DYNC2I2: variants seen among roughly 807,000 people sequenced by gnomAD.
DYNC2I2 encodes the protein dynein 2 intermediate chain 2.
A neutral mutation model predicts 52.0 loss-of-function variants in DYNC2I2; 39 were observed. The ratio of observed to expected loss-of-function variants is 0.75; its 90% CI spans 0.58 to 0.98. DYNC2I2 has a LOEUF of 0.98. DYNC2I2 is among the 50% of genes least tolerant of loss of function. The pLI is 0.00. For synonymous variants in DYNC2I2, 359 were observed against 321.1 expected (o/e 1.12, Z -1.26); for missense variants, 743 against 728.4 (o/e 1.02, Z -0.23).
At chr9:128,671,567 G>T in the DYNC2I2 span, among the ~76,000 whole-genome samples, 1 of 151,314 alleles carries the variant, frequency 6.6e-6, no homozygotes, top group Non-Finnish European at 1.5e-5. Flanking sequence ...CTGCCTCCCG[G>T]GTTGAAGTGA....
chr9:128,680,372 T>C, the DYNC2I2 span, among the ~76,000 whole-genome samples: 1 of 150,038 alleles, frequency 6.7e-6, no homozygotes, highest in Non-Finnish European at 1.5e-5. Context: ...ATTATTATTA[T>C]TATTATTATT....
rs1195154671 is a variant in DYNC2I2, at chr9:128,634,143, T to TC, written c.1372+82dup. 14 of 1,588,296 alleles carry TC rather than the reference T, an allele frequency of 8.8e-6. No individual in the cohort carries two copies. In the East Asian group the frequency reaches 2.0e-4, roughly 23 times the overall value. On this transcript the variant is annotated intron_variant, in intron 8 of 8. Coordinates refer to ENST00000372715, the MANE Select transcript of DYNC2I2 (RefSeq NM_052844.4). Reference sequence around the variant, plus strand: ...GTCCTTACCCCCATGTGTGGTCTTTTCCCCAACCCAGAACCCCAGGTACAA... The same window carrying TC: ...GTCCTTACCCCCATGTGTGGTCTTTTCCCCCAACCCAGAACCCCAGGTACAA...
intron 8 of DYNC2I2, 50 bp from the exon 9 acceptor site, chr9:128,634,032 C>A: frequency 1.2e-6 from 2 of 1,600,192 alleles, no homozygotes; most frequent in Non-Finnish European, 1.7e-6. Context: ...AGAGACCAAC[C>A]ACATGGCAGG....
At chr9:128,682,098 G>A in the DYNC2I2 span, among the ~76,000 whole-genome samples, 1 of 150,094 alleles carries the variant, frequency 6.7e-6, no homozygotes, top group East Asian at 2.0e-4. Flanking sequence ...TCGCTCTGTC[G>A]CTCAGGCTGG....
the DYNC2I2 span, among the ~76,000 whole-genome samples, chr9:128,669,255 C>T: frequency 1.3e-5 from 2 of 152,038 alleles, no homozygotes; most frequent in Non-Finnish European, 2.9e-5. Context: ...GTCCCAGCTA[C>T]TCGGGAGGCT....
the DYNC2I2 span, among the ~76,000 whole-genome samples, chr9:128,682,550 G>A: frequency 6.6e-6 from 1 of 151,922 alleles, no homozygotes; most frequent in Non-Finnish European, 1.5e-5. Flanking sequence ...TGGTGGTGAC[G>A]TCTGTAGTCC....
the DYNC2I2 span, among the ~76,000 whole-genome samples, chr9:128,665,148 G>A: frequency 1.3e-5 from 2 of 151,170 alleles, no homozygotes; most frequent in Admixed American, 1.3e-4. Flanking sequence ...CACCTCCAGG[G>A]TTCAAACAAT....
In DYNC2I2 at chr9:128,639,472, C is replaced by G. The variant is rs543021439; in HGVS notation, c.435+1219G>C. ...CAATACTGTCTGCCCAACTGCCCAT[C>G]AGCATTTACAGGGTCATGACTCTGG... On this transcript the variant is annotated intron_variant, in intron 2 of 8. Coordinates refer to ENST00000372715, the MANE Select transcript of DYNC2I2 (RefSeq NM_052844.4). Among the ~76,000 whole-genome samples, 151 of 152,164 alleles carry G rather than the reference C, an allele frequency of 9.9e-4. 1 individual carries two copies. Among genetic ancestry groups the G allele is most frequent in the African/African-American group, 3.5e-3 (146 of 41,522 alleles).
At chr9:128,684,160 C>A in the DYNC2I2 span, among the ~76,000 whole-genome samples, 44 of 152,116 alleles carry the variant, frequency 2.9e-4, no homozygotes, top group African/African-American at 1.1e-3. Flanking sequence ...GCGTGAAGAA[C>A]CAGAAGGGAC....
chr9:128,654,191 G>A lies in DYNC2I2; in HGVS notation c.186+2350C>T, dbSNP rs570093272. ...TACAGCACAGCAAAGCGGGAAGTGC[G>A]TGCAAGCCACATCAGATCCTGGCTT... On this transcript the variant is annotated intron_variant, in intron 1 of 8. Coordinates refer to ENST00000372715, the MANE Select transcript of DYNC2I2 (RefSeq NM_052844.4). Among the ~76,000 whole-genome samples the A allele has an allele frequency of 9.2e-5, 14 of 152,234 alleles. No individual in the cohort carries two copies. The South Asian group carries it at 2.1e-3, about 23-fold the overall frequency.
At chr9:128,638,695 T>G (rs1383935754) in intron 2 of DYNC2I2, among the ~76,000 whole-genome samples, 1 of 152,182 alleles carries the variant, frequency 6.6e-6, no homozygotes, top group African/African-American at 2.4e-5. Flanking sequence ...CTCATAGGTT[T>G]AGACCCTAGA....
chr9:128,682,637 T>C, the DYNC2I2 span, among the ~76,000 whole-genome samples: 2 of 150,856 alleles, frequency 1.3e-5, no homozygotes, highest in African/African-American at 2.4e-5. Context: ...TGATCACTAA[T>C]GTACTTGAGC....
chr9:128,682,692 T>G, the DYNC2I2 span, among the ~76,000 whole-genome samples: 1 of 149,374 alleles, frequency 6.7e-6, no homozygotes, highest in African/African-American at 2.5e-5. Flanking sequence ...TTTTTTTTTT[T>G]TGAGACGGAG....
chr9:128,678,086 TG>T, the DYNC2I2 span, among the ~76,000 whole-genome samples: 2 of 151,546 alleles, frequency 1.3e-5, no homozygotes, highest in Non-Finnish European at 1.5e-5. Flanking sequence ...TTTTTTTTTT[TG>T]GGACAGAGTT....
intron 1 of DYNC2I2, 97 bp downstream of exon 1, chr9:128,656,444 C>T: frequency 9.4e-7 from 1 of 1,067,174 alleles, no homozygotes; most frequent in Non-Finnish European, 1.2e-6. Flanking sequence ...CCCGAACCCG[C>T]CCGGCAGCCA....
chr9:128,644,275 CTT>C (rs10660438), intron 1 of DYNC2I2, among the ~76,000 whole-genome samples: 4 of 146,848 alleles, frequency 2.7e-5, no homozygotes, highest in African/African-American at 5.1e-5. Context: ...CCCAGGCGGC[CTT>C]TTTTTTTTTT....
At chr9:128,659,601 A>G (rs1290993534), upstream of DYNC2I2, among the ~76,000 whole-genome samples, 2 of 151,648 alleles carry the variant, frequency 1.3e-5, no homozygotes, top group Non-Finnish European at 2.9e-5. Context: ...CCTCGTCTCT[A>G]AGACAAAACC....
chr9:128,672,395 T>C, the DYNC2I2 span, among the ~76,000 whole-genome samples: 1 of 151,782 alleles, frequency 6.6e-6, no homozygotes. Context: ...GGTTTCCCCA[T>C]GTTGGCCAGG....
In DYNC2I2 at chr9:128,636,966, C is replaced by T; in HGVS notation, c.497G>A (p.Ser166Asn). 6.2e-7 allele frequency: 1 copy of T among 1,613,422 alleles called. No individual in the cohort carries two copies. Among genetic ancestry groups the T allele is most frequent in the Non-Finnish European group, 8.5e-7 (1 of 1,180,012 alleles). The change falls in exon 3 of 9, where the codon AGC becomes AAC. Residue 166 changes from serine (S) to asparagine (N), a missense_variant. Ser to Asn is a conservative substitution (Grantham distance 46). Coordinates refer to ENST00000372715, the MANE Select transcript of DYNC2I2 (RefSeq NM_052844.4). ...PAQAQGLHVT[S>N]ISWNSTGSVV... ...AGAGCCAGTGGAGTTCCAGGAGATG[C>T]TGGTCACATGCAGACCCTGCGCTTG...
Sources: allele counts gnomAD v4.1 joint callset (sites outside exome capture counted in the v4.1 genomes callset), GRCh38; gene constraint gnomAD v4.1.1; transcripts MANE v1.5; gene names NCBI Gene and HGNC (gene_info 2026-07-23, HGNC 2026-07-21).